Variants in MYO5B observed in about 807,000 individuals in gnomAD.
MYO5B encodes the protein unconventional myosin-Vb.
In MYO5B, 143 loss-of-function variants were observed where a neutral mutation model predicts 229.3. The observed-to-expected ratio is 0.62, with a 90% CI of 0.54 to 0.72. The LOEUF is 0.72. MYO5B is among the 30% of genes least tolerant of loss of function. The pLI, the probability that MYO5B is intolerant of heterozygous loss-of-function variation, is 0.00. For synonymous variants in MYO5B, 918 were observed against 885.2 expected, an observed-to-expected ratio of 1.04 and a Z score of -0.66; for missense variants, 2,321 against 2,331.0, an observed-to-expected ratio of 1.00 and a Z score of 0.09.
chr18:50,165,637 A>G (rs1458758431), intron 1 of MYO5B, among the ~76,000 whole-genome samples: 1 of 152,168 alleles, frequency 6.6e-6, no homozygotes, highest in African/African-American at 2.4e-5. Flanking sequence ...TTCTCAGGGC[A>G]TGGTGACGTG....
At chr18:50,067,990 T>TATAC (rs528320192) in intron 1 of MYO5B, among the ~76,000 whole-genome samples, 119 of 146,988 alleles carry the variant, frequency 8.1e-4, no homozygotes, top group African/African-American at 3.1e-3. Context: ...CTAGAACACA[T>TATAC]ATACATACAT....
intron 1 of MYO5B, among the ~76,000 whole-genome samples, chr18:50,127,084 A>G (rs998049198): frequency 6.6e-6 from 1 of 152,172 alleles, no homozygotes; most frequent in Non-Finnish European, 1.5e-5. Context: ...GGCAAGATCA[A>G]ACTGCCCCCA....
At chr18:50,007,146 G>A (rs1438590131) in intron 4 of MYO5B, among the ~76,000 whole-genome samples, 1 of 152,144 alleles carries the variant, frequency 6.6e-6, no homozygotes, top group Non-Finnish European at 1.5e-5. Flanking sequence ...ATGAGGGCTC[G>A]CTGTTGGCAG....
chr18:49,875,873 G>A, intron 25 of MYO5B, 46 bp from the exon 26 acceptor site: 1 of 1,610,218 alleles, frequency 6.2e-7, no homozygotes, highest in Middle Eastern at 1.7e-4. Context: ...CTAAATACAT[G>A]CCTTAGGGAA....
intron 17 of MYO5B, 102 bp downstream of exon 17, chr18:49,929,410 G>T: frequency 1.1e-6 from 1 of 896,200 alleles, no homozygotes; most frequent in Non-Finnish European, 1.7e-6. Context: ...CCGTTTTGAA[G>T]GATCTGTTTC....
chr18:49,863,363 AACAATTGCC>A, intron 28 of MYO5B, 36 bp from the exon 29 acceptor site: 1 of 1,572,164 alleles, frequency 6.4e-7, no homozygotes, highest in Non-Finnish European at 8.8e-7. Context: ...ACTCTGGTTA[AACAATTGCC>A]ACAAAATGGC....
chr18:50,173,364 A>AG lies in MYO5B; in HGVS notation c.27+21402dup, dbSNP rs1440090373. Reference sequence around the variant, plus strand: ...CTAATGGGGCAGGATAGCAGGGCCCAGATTACAGGAGGCCTCATGGGCCTG... The same window carrying AG: ...CTAATGGGGCAGGATAGCAGGGCCCAGGATTACAGGAGGCCTCATGGGCCTG... On this transcript the variant is annotated intron_variant, in intron 1 of 39. Transcript: ENST00000285039. Among the ~76,000 whole-genome samples the AG allele has an allele frequency of 2.0e-5, 3 of 152,110 alleles. No homozygotes were observed. The East Asian group carries it at 5.8e-4, about 29-fold the overall frequency.
Position 49,853,634 on chromosome 18 carries a change from G to C in MYO5B, c.4036C>G (p.Gln1346Glu). The C allele has an allele frequency of 1.2e-6, 2 of 1,612,900 alleles. No individual in the cohort carries two copies. The highest frequency in any genetic ancestry group is 1.7e-6 in the Non-Finnish European group (2 of 1,179,896). The change falls in exon 31 of 40, where the codon CAG (glutamine) becomes GAG (glutamate). Residue 1346 changes from glutamine to glutamate, a missense_variant. Gln to Glu is a conservative substitution (Grantham distance 29). Around this residue, in one of 2 missense-constraint regions of MYO5B, gnomAD observed 2,113 missense variants for 2,044.7 expected, o/e 1.03. Transcript: ENST00000285039. ...TGCTCCAGGCTCTGGGCCTGCAGCT[G>C]AGCCTCCAGCAGCCTGTGCCAGGGA... is the stretch of plus-strand genomic sequence containing the variant. ...LKQVARLLEA[Q>E]LQAQSLEHEE...
intron 1 of MYO5B, among the ~76,000 whole-genome samples, chr18:50,119,869 G>T (rs1306666833): frequency 6.6e-6 from 1 of 152,168 alleles, no homozygotes; most frequent in African/African-American, 2.4e-5. Flanking sequence ...GATACCTTCT[G>T]AGAAGCACAA....
rs961766576 is a variant in MYO5B at position 50,120,340 on chromosome 18, G to A, written c.28-64962C>T. Among the ~76,000 whole-genome samples, 7 of 152,344 alleles carry A rather than the reference G, an allele frequency of 4.6e-5. No homozygotes were observed. The South Asian group carries it at 8.3e-4, about 18-fold the overall frequency. ...CCAGAGCCATAGGTTTCTAGCATCT[G>A]TCTTCTGAACCCCTTGCCTGACTCA... is the stretch of plus-strand genomic sequence containing the variant. On this transcript the variant is annotated intron_variant, in intron 1 of 39. Transcript: ENST00000285039.
intron 17 of MYO5B, among the ~76,000 whole-genome samples, chr18:49,928,795 G>T (rs1325437384): frequency 1.3e-5 from 2 of 152,300 alleles, no homozygotes; most frequent in East Asian, 3.9e-4. Context: ...CCATAAAAAG[G>T]AACAAAATAA....
intron 1 of MYO5B, among the ~76,000 whole-genome samples, chr18:50,070,090 C>T (rs1417370292): frequency 1.4e-5 from 2 of 145,370 alleles, no homozygotes; most frequent in African/African-American, 5.2e-5. Flanking sequence ...GGCGTGATCT[C>T]GGTTCACTGC....
intron 1 of MYO5B, among the ~76,000 whole-genome samples, chr18:50,055,626 C>T (rs1410212441): frequency 6.6e-6 from 1 of 152,244 alleles, no homozygotes; most frequent in Middle Eastern, 3.4e-3. Flanking sequence ...AATTAAAATT[C>T]TACCCAAGAG....
At chr18:50,085,743 T>G (rs1426079664) in intron 1 of MYO5B, among the ~76,000 whole-genome samples, 1 of 152,032 alleles carries the variant, frequency 6.6e-6, no homozygotes, top group African/African-American at 2.4e-5. Context: ...CCATAAAAAA[T>G]GATGAGTTCA....
chr18:50,186,964 A>T (rs2033157950), intron 1 of MYO5B, among the ~76,000 whole-genome samples: 1 of 152,224 alleles, frequency 6.6e-6, no homozygotes, highest in Non-Finnish European at 1.5e-5. Flanking sequence ...TCATTAAAGA[A>T]AAGCAAATCC....
intron 16 of MYO5B, among the ~76,000 whole-genome samples, chr18:49,932,126 C>A (rs2025200144): frequency 6.6e-6 from 1 of 152,160 alleles, no homozygotes; most frequent in South Asian, 2.1e-4. Context: ...ATTGAGAACC[C>A]CGTCATTCCT....
chr18:50,033,170 C>G (rs1432222246), intron 4 of MYO5B, among the ~76,000 whole-genome samples: 2 of 152,136 alleles, frequency 1.3e-5, no homozygotes, highest in African/African-American at 4.8e-5. Flanking sequence ...TCCTTGCCAA[C>G]ACTCATTATC....
At chr18:50,146,874 T>C (rs1408411373) in intron 1 of MYO5B, among the ~76,000 whole-genome samples, 1 of 152,204 alleles carries the variant, frequency 6.6e-6, no homozygotes, top group Non-Finnish European at 1.5e-5. Flanking sequence ...CTTCTGCAGG[T>C]ACTTCTGGAA....
At position 49,849,548 on chromosome 18, in the gene MYO5B, C is replaced by T. The variant is rs758411477; in HGVS notation, c.4315+19G>A. The T allele has an allele frequency of 1.3e-6, 2 of 1,571,212 alleles. No homozygotes were observed. Among genetic ancestry groups the T allele is most frequent in the South Asian group, 2.2e-5 (2 of 90,290 alleles). Reference sequence around the variant, plus strand: ...GTATACCTGTGATTCACAAAACACACTCACTCACACCCCCCTACCTTCTAG... The same window carrying T: ...GTATACCTGTGATTCACAAAACACATTCACTCACACCCCCCTACCTTCTAG... On this transcript the variant is annotated intron_variant, in intron 32 of 39. Transcript: ENST00000285039.
Sources: gnomAD v4.1 joint callset for allele counts (sites outside exome capture counted in the v4.1 genomes callset) on GRCh38, gnomAD v4.1.1 for gene constraint, gnomAD v4.1.1 regional missense constraint, MANE v1.5 for transcripts, NCBI Gene and HGNC (gene_info 2026-07-23, HGNC 2026-07-21) for gene names.